SNX25: variants seen among roughly 807,000 people sequenced by gnomAD.
SNX25 encodes sorting nexin-25.
Under a neutral mutation model 113.7 loss-of-function variants are expected in SNX25, and 62 were observed. The ratio of observed to expected loss-of-function variants is 0.55; its 90% CI spans 0.44 to 0.67. The LOEUF is 0.67. Among genes scored for constraint, SNX25 ranks in the 30% least tolerant of loss-of-function variants. The pLI is 0.00. For synonymous variants in SNX25, 421 were observed against 436.2 expected, an observed-to-expected ratio of 0.97 and a Z score of 0.43; for missense variants, 1,014 against 1,161.0, an observed-to-expected ratio of 0.87 and a Z score of 1.84.
intron 6 of SNX25, among the ~76,000 whole-genome samples, chr4:185,307,116 G>A (rs901898069): frequency 2.6e-5 from 4 of 152,130 alleles, no homozygotes; most frequent in South Asian, 2.1e-4. Context: ...TGATAAAAAC[G>A]TATTATGGTG....
At chr4:185,309,715 T>G (rs1186537127) in intron 6 of SNX25, among the ~76,000 whole-genome samples, 1 of 152,190 alleles carries the variant, frequency 6.6e-6, no homozygotes, top group Non-Finnish European at 1.5e-5. Flanking sequence ...ATCTCCCTCC[T>G]CAGTTGTACT....
At chr4:185,350,951 C>G (rs948613486) in intron 13 of SNX25, among the ~76,000 whole-genome samples, 2 of 152,244 alleles carry the variant, frequency 1.3e-5, no homozygotes, top group African/African-American at 4.8e-5. Context: ...AAACTATTGC[C>G]TGGCAGGTAG....
At chr4:185,375,487 A>AAAAAAAAAAAAATAT in the SNX25 span, 1 of 12,014 alleles carries the variant, frequency 8.3e-5, no homozygotes, top group Non-Finnish European at 1.5e-4. Flanking sequence ...AAAAAAAAAA[A>AAAAAAAAAAAAATAT]ATATATATAT....
In SNX25 at chr4:185,264,450, G is replaced by A. The variant is rs761766517; in HGVS notation, c.744G>A (p.Gln248=). The change falls in exon 4 of 19, where the codon CAG becomes CAA. Residue 248 remains glutamine (Q), a synonymous_variant. Transcript: ENST00000652585. The part of the protein sequence containing the change: ...LKAANARHEE[Q]PRPFVLHACL... ...TCTCTTTATTTAGACATGAAGAACA[G>A]CCAAGACCTTTTGTGTTGCACGCAT... is the stretch of plus-strand genomic sequence containing the variant. 8.7e-6 allele frequency: 14 copies of A among 1,612,730 alleles called. No homozygotes were observed. Among genetic ancestry groups the A allele is most frequent in the African/African-American group, 1.3e-5 (1 of 74,882 alleles).
chr4:185,301,459 T>C (rs1460553157), intron 6 of SNX25, among the ~76,000 whole-genome samples: 2 of 152,190 alleles, frequency 1.3e-5, no homozygotes, highest in Non-Finnish European at 1.5e-5. Flanking sequence ...TGGTGCAATC[T>C]TGACTCACTG....
chr4:185,244,007 C>CT (rs1049628356), intron 1 of SNX25, among the ~76,000 whole-genome samples: 15 of 151,876 alleles, frequency 9.9e-5, no homozygotes, highest in Middle Eastern at 3.2e-3. Context: ...TCCTTTCTTT[C>CT]TTTTTTTTGA....
rs941660848 is a variant in SNX25, at chr4:185,341,962, A to G, written c.2047-14A>G. On this transcript the variant is annotated splice_polypyrimidine_tract_variant and intron_variant, in intron 11 of 18. Coordinates refer to ENST00000652585, the MANE Select transcript of SNX25 (RefSeq NM_001378034.2). ...ATGCTTTTTGTAAGTATCGATTTTG[A>G]TGTTTTCCCCAAGGTTACAGAAGAG... The G allele has an allele frequency of 1.3e-6, 2 of 1,569,062 alleles. No individual in the cohort carries two copies. The highest frequency in any genetic ancestry group is 1.7e-6 in the Non-Finnish European group (2 of 1,160,670).
intron 1 of SNX25, among the ~76,000 whole-genome samples, chr4:185,237,932 A>G (rs1039682891): frequency 4.6e-5 from 7 of 151,366 alleles, no homozygotes; most frequent in African/African-American, 1.7e-4. Context: ...GCGTGGTGGC[A>G]CGTACCTGTA....
chr4:185,324,852 G>A (rs985126029), intron 9 of SNX25, among the ~76,000 whole-genome samples: 3 of 152,170 alleles, frequency 2.0e-5, no homozygotes. Flanking sequence ...CTGATGAGGG[G>A]ACGGAGAGTT....
At chr4:185,341,939 G>T in intron 11 of SNX25, 37 bp from the exon 12 acceptor site, 1 of 1,555,860 alleles carries the variant, frequency 6.4e-7, no homozygotes, top group South Asian at 1.2e-5. Flanking sequence ...CATTCACCAT[G>T]CTTTTTGTAA....
intron 6 of SNX25, among the ~76,000 whole-genome samples, chr4:185,307,621 A>G (rs1349793381): frequency 6.6e-6 from 1 of 152,166 alleles, no homozygotes; most frequent in East Asian, 1.9e-4. Context: ...TCTGGCATCC[A>G]GCTATGTCTG....
chr4:185,357,101 G>A (rs1405383529), intron 15 of SNX25, among the ~76,000 whole-genome samples: 1 of 152,120 alleles, frequency 6.6e-6, no homozygotes, highest in Non-Finnish European at 1.5e-5. Context: ...TGCTATGGGG[G>A]TGGCACTGGA....
intron 1 of SNX25, among the ~76,000 whole-genome samples, chr4:185,230,392 A>ATTTT (rs35035428): frequency 7.2e-6 from 1 of 139,792 alleles, no homozygotes. Context: ...AGGAATCATA[A>ATTTT]TTTTTTTTTT....
chr4:185,322,468 A>G (rs1303267830), intron 8 of SNX25, among the ~76,000 whole-genome samples: 3 of 152,212 alleles, frequency 2.0e-5, no homozygotes, highest in Admixed American at 6.5e-5. Context: ...CATATTGTAC[A>G]CTGAATTACT....
At chr4:185,246,425 C>T (rs1349951280) in intron 1 of SNX25, among the ~76,000 whole-genome samples, 1 of 152,186 alleles carries the variant, frequency 6.6e-6, no homozygotes, top group Non-Finnish European at 1.5e-5. Context: ...TATGTCCTTT[C>T]TGCTGCTTTG....
intron 7 of SNX25, among the ~76,000 whole-genome samples, chr4:185,312,052 T>C (rs1278360389): frequency 4.6e-5 from 7 of 152,164 alleles, no homozygotes; most frequent in Admixed American, 4.6e-4. Context: ...ATTTGACAGG[T>C]TGAATATTGC....
chr4:185,243,763 C>T (rs932512943), intron 1 of SNX25, among the ~76,000 whole-genome samples: 4 of 152,026 alleles, frequency 2.6e-5, no homozygotes, highest in Non-Finnish European at 5.9e-5. Context: ...TTGCATGTTA[C>T]ATGTAAGTAT....
intron 2 of SNX25, among the ~76,000 whole-genome samples, chr4:185,255,140 ATT>A (rs1028581763): frequency 6.9e-6 from 1 of 145,798 alleles, no homozygotes. Context: ...TTTCTTCTTT[ATT>A]TTTTTTTTTG....
downstream of SNX25, chr4:185,374,535 G>A (rs546574670): frequency 4.0e-6 from 6 of 1,504,600 alleles, no homozygotes; most frequent in East Asian, 2.3e-5. Context: ...TCCCAATAAG[G>A]CTGTGAAGTG....
Sources: allele counts gnomAD v4.1 joint callset (sites outside exome capture counted in the v4.1 genomes callset), GRCh38; gene constraint gnomAD v4.1.1; transcripts MANE v1.5; gene names NCBI Gene and HGNC (gene_info 2026-07-23, HGNC 2026-07-21).